The following NRDC variants were observed in gnomAD, a reference collection of about 807,000 sequenced individuals.
NRDC encodes the protein nardilysin convertase.
In NRDC, 54 loss-of-function variants were observed where a neutral mutation model predicts 147.1. The observed-to-expected ratio is 0.37, with a 90% CI of 0.29 to 0.46. NRDC has a LOEUF of 0.46. NRDC is among the 20% of genes least tolerant of loss of function. The probability of loss-of-function intolerance (pLI) is 1.00; values close to 1 mark genes in which losing one functional copy is unlikely to be tolerated. For synonymous variants in NRDC, 440 were observed against 482.1 expected, an observed-to-expected ratio of 0.91 and a Z score of 1.14; for missense variants, 1,082 against 1,370.6, an observed-to-expected ratio of 0.79 and a Z score of 3.33.
chr1:51,856,680 T>C (rs999445615), intron 1 of NRDC, among the ~76,000 whole-genome samples: 1 of 152,090 alleles, frequency 6.6e-6, no homozygotes, highest in African/African-American at 2.4e-5. Flanking sequence ...TGGAACCTAG[T>C]CCTCCTGGGT....
intron 1 of NRDC, among the ~76,000 whole-genome samples, chr1:51,846,716 G>A (rs1327217159): frequency 6.6e-6 from 1 of 152,262 alleles, no homozygotes; most frequent in Non-Finnish European, 1.5e-5. Flanking sequence ...ATCGCCAACA[G>A]CGATGGAACT....
At chr1:51,805,725 T>G (rs1003493626) in intron 18 of NRDC, among the ~76,000 whole-genome samples, 164 bp from the exon 19 acceptor site, 1 of 152,172 alleles carries the variant, frequency 6.6e-6, no homozygotes, top group Non-Finnish European at 1.5e-5. Context: ...AAGCAGTATT[T>G]ACCATTCCAA....
chr1:51,836,162 G>C lies in NRDC; in HGVS notation c.681C>G (p.Asp227Glu), dbSNP rs971687802. 2 of 1,614,016 alleles carry C rather than the reference G, an allele frequency of 1.2e-6. No individual in the cohort carries two copies. The highest frequency in any genetic ancestry group is 2.7e-5 in the African/African-American group (2 of 74,900). Residue 227 changes from aspartate to glutamate, a missense_variant, in exon 3 of 31, where the codon GAC becomes GAG. Around this residue, in one of 3 missense-constraint regions of NRDC, gnomAD observed 635 missense variants for 923.8 expected, o/e 0.69. Coordinates refer to ENST00000352171, the MANE Select transcript of NRDC (RefSeq NM_001101662.2). Reference sequence around the variant, plus strand: ...CCAAAAAGTGTGCCAGCCCCGGCAGGTCATCTGGATCAGCGAAACTCCCAA... The same window carrying C: ...CCAAAAAGTGTGCCAGCCCCGGCAGCTCATCTGGATCAGCGAAACTCCCAA... Reference protein sequence around the residue: ...VGVGSFADPDDLPGLAHFLEH... With the variant: ...VGVGSFADPDELPGLAHFLEH...
intron 1 of NRDC, among the ~76,000 whole-genome samples, chr1:51,850,440 G>C (rs1481639997): frequency 6.6e-6 from 1 of 152,184 alleles, no homozygotes; most frequent in Non-Finnish European, 1.5e-5. Flanking sequence ...ATTACTTAGA[G>C]CTGAAACAGA....
At chr1:51,815,177 T>TG (rs77203872) in intron 11 of NRDC, among the ~76,000 whole-genome samples, 1 of 48,410 alleles carries the variant, frequency 2.1e-5, no homozygotes, top group Admixed American at 3.0e-4. Flanking sequence ...TGCTTACCTT[T>TG]TTTTCTTTTT....
At position 51,789,236 on chromosome 1, in the gene NRDC, TTA is replaced by T; in HGVS notation, c.3454_3455del (p.Ter1152AsnfsTer?). ...TCAGGCCAACGTGACTGCAGTTTAT[TTA>T]TTTGACTATTTTATGGTAGGGGAGA... ...NLLPYHKIVK[*>X] On this transcript the variant is annotated frameshift_variant and stop_lost, in exon 31 of 31. Transcript: ENST00000352171. LOFTEE classifies it high-confidence loss of function. The T allele has an allele frequency of 6.2e-7, 1 of 1,613,520 alleles. No individual in the cohort carries two copies. The highest frequency in any genetic ancestry group is 8.5e-7 in the Non-Finnish European group (1 of 1,179,440).
At chr1:51,839,138 G>A (rs1192469906) in intron 2 of NRDC, among the ~76,000 whole-genome samples, 1 of 150,500 alleles carries the variant, frequency 6.6e-6, no homozygotes, top group Non-Finnish European at 1.5e-5. Flanking sequence ...CACCTTTAAG[G>A]GTGACCACTT....
At chr1:51,846,403 C>A (rs1447187640) in intron 1 of NRDC, among the ~76,000 whole-genome samples, 1 of 152,168 alleles carries the variant, frequency 6.6e-6, no homozygotes, top group Non-Finnish European at 1.5e-5. Flanking sequence ...CATGAGCCAC[C>A]GTGCACAGCC....
chr1:51,857,420 C>T (rs1682306424), intron 1 of NRDC, among the ~76,000 whole-genome samples: 2 of 152,150 alleles, frequency 1.3e-5, no homozygotes, highest in Non-Finnish European at 2.9e-5. Flanking sequence ...TCCTGGGCTA[C>T]CCAATTTGTG....
chr1:51,836,466 A>T, intron 2 of NRDC: 1 of 1,594,234 alleles, frequency 6.3e-7, no homozygotes. Flanking sequence ...AAACAGACAG[A>T]AAAAAAGGGA....
chr1:51,851,785 GAACA>G (rs1681963614), intron 1 of NRDC, among the ~76,000 whole-genome samples: 1 of 152,072 alleles, frequency 6.6e-6, no homozygotes, highest in South Asian at 2.1e-4. Flanking sequence ...CTAAATTAAA[GAACA>G]AATATCTCAC....
intron 29 of NRDC, 21 bp downstream of exon 29, chr1:51,790,512 T>C: frequency 6.7e-7 from 1 of 1,493,034 alleles, no homozygotes; most frequent in Non-Finnish European, 9.3e-7. Flanking sequence ...TTGAGCTGTC[T>C]TACTCTGAAA....
At chr1:51,819,139 T>C (rs953594246) in intron 9 of NRDC, among the ~76,000 whole-genome samples, 2 of 151,964 alleles carry the variant, frequency 1.3e-5, no homozygotes, top group Admixed American at 6.6e-5. Context: ...CTGTCTCTAC[T>C]AAAAACACAA....
intron 1 of NRDC, among the ~76,000 whole-genome samples, chr1:51,871,225 G>A (rs893547338): frequency 6.6e-6 from 1 of 152,032 alleles, no homozygotes; most frequent in African/African-American, 2.4e-5. Context: ...GCTGAGGCAC[G>A]AGAATTGCTT....
chr1:51,816,282 A>C, intron 11 of NRDC, 30 bp downstream of exon 11: 1 of 1,427,998 alleles, frequency 7.0e-7, no homozygotes. Flanking sequence ...AGATTGCTAT[A>C]CTGAAAATAC....
At chr1:51,873,479 T>TTTTATTTA (rs57413276) in intron 1 of NRDC, among the ~76,000 whole-genome samples, 5,100 of 141,822 alleles carry the variant, frequency 0.036, 135 homozygotes, top group Non-Finnish European at 0.051. Context: ...TATATGGAAT[T>TTTTATTTA]TTTATTTATT....
At chr1:51,877,812 T>G (rs1460570498) in intron 1 of NRDC, among the ~76,000 whole-genome samples, 1 of 152,224 alleles carries the variant, frequency 6.6e-6, no homozygotes, top group Admixed American at 6.5e-5. Context: ...GTTACTTTAC[T>G]GAAGCCACAC....
chr1:51,823,788 T>C lies in NRDC; in HGVS notation c.1037-2A>G, dbSNP rs1557913002. Reference sequence around the variant, plus strand: ...CATGCTTGAGCGTCTCAGCATTTCCTATAAAAGAATGAAAAAAATTATAGA... The same window carrying C: ...CATGCTTGAGCGTCTCAGCATTTCCCATAAAAGAATGAAAAAAATTATAGA... On this transcript the variant is annotated splice_acceptor_variant, in intron 6 of 30. Coordinates refer to ENST00000352171, the MANE Select transcript of NRDC (RefSeq NM_001101662.2). LOFTEE classifies it high-confidence loss of function. 2 of 1,581,020 alleles carry C rather than the reference T, an allele frequency of 1.3e-6. No homozygotes were observed. The highest frequency in any genetic ancestry group is 2.2e-5 in the East Asian group (1 of 44,580).
chr1:51,863,838 T>C (rs1182426567), intron 1 of NRDC, among the ~76,000 whole-genome samples: 1 of 152,260 alleles, frequency 6.6e-6, no homozygotes, highest in Non-Finnish European at 1.5e-5. Context: ...TAAAGTCATA[T>C]ACAGATGCTC....
Sources: allele counts gnomAD v4.1 joint callset (sites outside exome capture counted in the v4.1 genomes callset), GRCh38; gene constraint gnomAD v4.1.1; regional missense constraint gnomAD v4.1.1; transcripts MANE v1.5; gene names NCBI Gene and HGNC (gene_info 2026-07-23, HGNC 2026-07-21).